Variants in SPAG9 observed in about 807,000 individuals in gnomAD.
SPAG9 encodes the protein C-Jun-amino-terminal kinase-interacting protein 4.
A neutral mutation model predicts 166.5 loss-of-function variants in SPAG9; 35 were observed. The observed-to-expected ratio is 0.21, with a 90% CI of 0.16 to 0.28. The LOEUF is 0.28. Among genes scored for constraint, SPAG9 ranks in the 10% least tolerant of loss-of-function variants. The probability of loss-of-function intolerance (pLI) is 1.00; values close to 1 mark genes in which losing one functional copy is unlikely to be tolerated. For missense variants in SPAG9, 1,235 were observed against 1,603.3 expected (o/e 0.77, Z 3.92); for synonymous variants, 534 against 565.5 (o/e 0.94, Z 0.79).
chr17:51,043,284 G>A (rs1471257300), intron 4 of SPAG9, among the ~76,000 whole-genome samples: 2 of 152,134 alleles, frequency 1.3e-5, no homozygotes, highest in Admixed American at 1.3e-4. Flanking sequence ...CAGCTACCAT[G>A]TTTACACCAG....
At chr17:50,970,147 T>C (rs1400832004) in intron 29 of SPAG9, among the ~76,000 whole-genome samples, 1 of 152,194 alleles carries the variant, frequency 6.6e-6, no homozygotes, top group East Asian at 1.9e-4. Context: ...ATCCTATGCT[T>C]TTCACATAAA....
chr17:51,059,426 T>C (rs1382550451), intron 2 of SPAG9, among the ~76,000 whole-genome samples: 1 of 152,072 alleles, frequency 6.6e-6, no homozygotes, highest in Non-Finnish European at 1.5e-5. Context: ...GCTCTGACTG[T>C]AGCATTCTCA....
At chr17:50,998,747 C>T (rs554837301) in intron 14 of SPAG9, 130 bp from the exon 15 acceptor site, 10 of 820,672 alleles carry the variant, frequency 1.2e-5, no homozygotes, top group Non-Finnish European at 1.9e-5. Context: ...TTGGCAAAAA[C>T]AGTTTTTGTA....
chr17:50,979,572 G>C (rs1317736615), intron 26 of SPAG9, among the ~76,000 whole-genome samples, 174 bp downstream of exon 26: 1 of 151,908 alleles, frequency 6.6e-6, no homozygotes, highest in Non-Finnish European at 1.5e-5. Flanking sequence ...GCTGAGGTGA[G>C]AGGATCGCTT....
intron 1 of SPAG9, among the ~76,000 whole-genome samples, chr17:51,116,647 C>T (rs2049296698): frequency 6.6e-6 from 1 of 152,090 alleles, no homozygotes; most frequent in Non-Finnish European, 1.5e-5. Flanking sequence ...GTCTGTGGTC[C>T]TAGCTACTCA....
In SPAG9 at chr17:50,962,799, G is replaced by A. The variant is rs1973190384; in HGVS notation, c.*3473C>T. On this transcript the variant is annotated 3_prime_UTR_variant, in exon 30 of 30. Coordinates refer to ENST00000262013, the MANE Select transcript of SPAG9 (RefSeq NM_001130528.3). ...TATGTTAAAGGGTCTCGTCTCAAAT[G>A]TAGGAAGACCTTTACAAGAAATGAA... 6.6e-6 allele frequency: 1 copy of A among 152,206 alleles called. No homozygotes were observed. The allele number at this position is 152,206 out of a possible 1,614,324, so 9.4% of individuals were successfully genotyped here. A position where few individuals can be genotyped will look rare whatever the true frequency, so the allele number is the denominator to read the frequency against.
intron 25 of SPAG9, among the ~76,000 whole-genome samples, chr17:50,980,754 T>C (rs1974534855): frequency 6.6e-6 from 1 of 151,988 alleles, no homozygotes; most frequent in Non-Finnish European, 1.5e-5. Context: ...TCCTAGCTAC[T>C]TGGGAGGCTG....
chr17:51,086,553 T>C (rs1190771283), intron 1 of SPAG9, among the ~76,000 whole-genome samples: 1 of 151,612 alleles, frequency 6.6e-6, no homozygotes, highest in Non-Finnish European at 1.5e-5. Context: ...CTCGGGAGGC[T>C]GAGGCACAAG....
chr17:51,090,640 G>C (rs1246967196), intron 1 of SPAG9, among the ~76,000 whole-genome samples: 1 of 152,150 alleles, frequency 6.6e-6, no homozygotes, highest in Admixed American at 6.6e-5. Flanking sequence ...TTTAACAGAA[G>C]ATGAAAGGTC....
At chr17:51,032,606 T>C (rs1320823228) in intron 5 of SPAG9, among the ~76,000 whole-genome samples, 2 of 152,208 alleles carry the variant, frequency 1.3e-5, no homozygotes, top group African/African-American at 4.8e-5. Flanking sequence ...CAAAGTCTTT[T>C]TGAAAGGCTG....
At chr17:51,083,543 T>A (rs2048226451) in intron 1 of SPAG9, among the ~76,000 whole-genome samples, 1 of 141,108 alleles carries the variant, frequency 7.1e-6, no homozygotes, top group South Asian at 2.3e-4. Context: ...AGCCTCTTTA[T>A]TTTATTTATT....
intron 1 of SPAG9, among the ~76,000 whole-genome samples, chr17:51,112,462 C>T (rs1283839194): frequency 1.3e-5 from 2 of 150,508 alleles, no homozygotes; most frequent in South Asian, 2.1e-4. Context: ...GACTTGAGGT[C>T]GAGATCAAGA....
intron 25 of SPAG9, among the ~76,000 whole-genome samples, chr17:50,981,395 T>G (rs969122985): frequency 6.8e-6 from 1 of 147,930 alleles, no homozygotes; most frequent in African/African-American, 2.6e-5. Flanking sequence ...TGTGTGTGGA[T>G]GGATGGATGG....
intron 12 of SPAG9, 123 bp downstream of exon 12, chr17:51,005,089 T>C (rs2045146564): frequency 2.5e-6 from 2 of 803,688 alleles, no homozygotes; most frequent in Non-Finnish European, 4.0e-6. Context: ...TTCATGACCA[T>C]AAACATGTCT....
chr17:51,082,577 A>G (rs1345169101), intron 1 of SPAG9, among the ~76,000 whole-genome samples: 3 of 152,112 alleles, frequency 2.0e-5, no homozygotes, highest in Non-Finnish European at 4.4e-5. Flanking sequence ...TATACCCAGT[A>G]CAAAGAATGA....
intron 3 of SPAG9, among the ~76,000 whole-genome samples, chr17:51,055,226 AC>A (rs1481057188): frequency 1.3e-5 from 2 of 151,906 alleles, no homozygotes; most frequent in Non-Finnish European, 2.9e-5. Context: ...GGTGGCACAC[AC>A]CTGTAATCCC....
Position 51,037,583 on chromosome 17 carries a change from A to G in SPAG9, c.741+3918T>C, listed in dbSNP as rs1055187303. 2.0e-5 allele frequency among the ~76,000 whole-genome samples: 3 copies of G among 149,536 alleles called. No homozygotes were observed. The East Asian group carries it at 5.8e-4, about 29-fold the overall frequency. ...AGCCGAGATTGCACCATTGCACTCC[A>G]GCCTGGGGGACAAAGCTAGACTCCA... On this transcript the variant is annotated intron_variant, in intron 5 of 29. Transcript: ENST00000262013.
At chr17:51,010,559 G>C (rs2045426276) in intron 9 of SPAG9, among the ~76,000 whole-genome samples, 1 of 118,640 alleles carries the variant, frequency 8.4e-6, no homozygotes, top group South Asian at 2.6e-4. Context: ...CTTAAGCAAG[G>C]CAAGAAAAGA....
intron 28 of SPAG9, among the ~76,000 whole-genome samples, chr17:50,971,647 A>G (rs1349007382): frequency 1.3e-5 from 2 of 151,688 alleles, no homozygotes; most frequent in Non-Finnish European, 2.9e-5. Flanking sequence ...TTTTCAGTAG[A>G]GACAGGGTTT....
Sources: allele counts gnomAD v4.1 joint callset (sites outside exome capture counted in the v4.1 genomes callset), GRCh38; gene constraint gnomAD v4.1.1; transcripts MANE v1.5; gene names NCBI Gene and HGNC (gene_info 2026-07-23, HGNC 2026-07-21).